The following LAMB4 variants were observed in gnomAD, a reference collection of about 807,000 sequenced individuals.
The protein encoded by LAMB4 is laminin subunit beta 4.
A neutral mutation model predicts 199.2 loss-of-function variants in LAMB4; 196 were observed. The ratio of observed to expected loss-of-function variants is 0.98; its 90% CI spans 0.88 to 1.11. LAMB4 has a LOEUF of 1.11. Among genes scored for constraint, LAMB4 ranks in the 50% least tolerant of loss-of-function variants. The pLI is 0.00. For missense variants in LAMB4, 2,080 were observed against 2,171.2 expected (o/e 0.96, Z 0.83); for synonymous variants, 744 against 770.6 (o/e 0.97, Z 0.57).
chr7:108,033,973 A>T (rs984829932), intron 31 of LAMB4, among the ~76,000 whole-genome samples: 3 of 152,006 alleles, frequency 2.0e-5, no homozygotes, highest in Admixed American at 2.0e-4. Context: ...CCTCATTTCC[A>T]AGCTGGTGTT....
At chr7:108,116,623 A>G (rs1584785177) in intron 2 of LAMB4, among the ~76,000 whole-genome samples, 1 of 152,196 alleles carries the variant, frequency 6.6e-6, no homozygotes, top group African/African-American at 2.4e-5. Context: ...TCCCAAATTT[A>G]TTTCACCATG....
intron 23 of LAMB4, 135 bp from the exon 24 acceptor site, chr7:108,058,063 T>C (rs1157554411): frequency 4.6e-6 from 3 of 656,428 alleles, no homozygotes; most frequent in African/African-American, 1.8e-5. Context: ...ATGATTCCCA[T>C]GTCCAGCAGC....
intron 2 of LAMB4, 48 bp downstream of exon 2, chr7:108,123,083 T>G: frequency 2.6e-6 from 4 of 1,519,054 alleles, no homozygotes; most frequent in Non-Finnish European, 3.6e-6. Flanking sequence ...CCATTAAATA[T>G]TTTAGGACAG....
chr7:108,047,814 C>G (rs2035681818), intron 28 of LAMB4, 94 bp downstream of exon 28: 6 of 969,096 alleles, frequency 6.2e-6, no homozygotes, highest in Non-Finnish European at 8.1e-6. Flanking sequence ...AATCTATCTT[C>G]TCACTTGGAA....
intron 33 of LAMB4, among the ~76,000 whole-genome samples, chr7:108,027,621 T>C (rs1325566724): frequency 6.6e-6 from 1 of 152,184 alleles, no homozygotes; most frequent in African/African-American, 2.4e-5. Context: ...AGTTTTAAAG[T>C]TTTAGAAGAT....
chr7:108,085,284 A>G (rs972033810), intron 14 of LAMB4, among the ~76,000 whole-genome samples: 5 of 152,360 alleles, frequency 3.3e-5, no homozygotes, highest in Middle Eastern at 3.4e-3. Context: ...ACATATGTAT[A>G]TATGACTACA....
At chr7:108,036,887 T>TGAAA (rs1340792222) in intron 30 of LAMB4, among the ~76,000 whole-genome samples, 11 of 148,862 alleles carry the variant, frequency 7.4e-5, no homozygotes, top group African/African-American at 2.0e-4. Flanking sequence ...TTTTTGCCAT[T>TGAAA]ATTTTCAATG....
intron 14 of LAMB4, among the ~76,000 whole-genome samples, chr7:108,082,613 C>G (rs527605759): frequency 6.6e-6 from 1 of 152,102 alleles, no homozygotes; most frequent in Non-Finnish European, 1.5e-5. Context: ...TACAGAACCA[C>G]CTATTGATAA....
intron 33 of LAMB4, among the ~76,000 whole-genome samples, chr7:108,025,838 G>A (rs920970363): frequency 6.6e-6 from 1 of 152,164 alleles, no homozygotes; most frequent in East Asian, 1.9e-4. Flanking sequence ...AAGTTAATAT[G>A]ATTGAGCTGG....
chr7:108,052,006 G>A, intron 26 of LAMB4, 91 bp downstream of exon 26: 1 of 977,920 alleles, frequency 1.0e-6, no homozygotes, highest in Admixed American at 2.4e-5. Flanking sequence ...AGGCACTATG[G>A]TGGTAAGCAG....
At chr7:108,091,518 A>G in intron 14 of LAMB4, 108 bp downstream of exon 14, 1 of 1,291,078 alleles carries the variant, frequency 7.7e-7, no homozygotes, top group Non-Finnish European at 1.1e-6. Flanking sequence ...TCTTTGGGCA[A>G]AAGCATTCTT....
Position 108,037,562 on chromosome 7 carries a change from A to G in LAMB4, c.4505T>C (p.Val1502Ala), listed in dbSNP as rs2035274327. ...ENVPPEDIEK[V>A]ANGVLDIHLP... is the part of the protein sequence containing the mutation. ...GTGAATGTCAAGCACACCATTCGCA[A>G]CCTTCTCGATGTCTTCTGGAGGCAC... The change falls in exon 30 of 34, where the codon GTT becomes GCT. Residue 1502 changes from valine to alanine, a missense_variant. Physicochemically the swap from Val to Ala is moderately conservative, Grantham distance 64. Coordinates refer to ENST00000388781, the MANE Select transcript of LAMB4 (RefSeq NM_007356.3). The G allele has an allele frequency of 6.2e-7, 1 of 1,614,032 alleles. No individual in the cohort carries two copies. The highest frequency in any genetic ancestry group is 8.5e-7 in the Non-Finnish European group (1 of 1,180,024).
At chr7:108,066,317 T>C (rs1563060971) in intron 20 of LAMB4, 52 bp downstream of exon 20, 1 of 1,327,128 alleles carries the variant, frequency 7.5e-7, no homozygotes, top group East Asian at 2.3e-5. Context: ...TATTAGGAGA[T>C]TGGAACAAAG....
chr7:108,058,770 T>A (rs1345378322), intron 23 of LAMB4, among the ~76,000 whole-genome samples: 1 of 152,112 alleles, frequency 6.6e-6, no homozygotes, highest in Non-Finnish European at 1.5e-5. Flanking sequence ...ATTACTCCCA[T>A]CTCAACCTCC....
intron 1 of LAMB4, among the ~76,000 whole-genome samples, chr7:108,123,880 T>C (rs1275789959): frequency 6.6e-6 from 1 of 152,202 alleles, no homozygotes; most frequent in Admixed American, 6.5e-5. Context: ...TTCTTCTTTG[T>C]AGATTTGGCC....
At chr7:108,085,011 T>A (rs1246910559) in intron 14 of LAMB4, among the ~76,000 whole-genome samples, 1 of 152,044 alleles carries the variant, frequency 6.6e-6, no homozygotes, top group African/African-American at 2.4e-5. Context: ...AGTGCTGGGA[T>A]CACAAGTGTG....
In LAMB4 at chr7:108,031,056, T is replaced by G. The variant is rs1476111370; in HGVS notation, c.4819-77A>C. 1.1e-5 allele frequency: 14 copies of G among 1,223,046 alleles called. No homozygotes were observed. The East Asian group carries it at 3.4e-4, about 30-fold the overall frequency. 75.8% of individuals were successfully genotyped at this position (1,223,046 alleles called of 1,614,324 possible). The stretch of plus-strand genomic sequence containing the variant: ...AGAAGATAAACGATATATTAACCCC[T>G]TGAAAAATATGCTGGGTGTAAAGGA... On this transcript the variant is annotated intron_variant, in intron 31 of 33. Coordinates refer to ENST00000388781, the MANE Select transcript of LAMB4 (RefSeq NM_007356.3).
intron 1 of LAMB4, among the ~76,000 whole-genome samples, chr7:108,128,339 G>C (rs1035631150): frequency 1.3e-5 from 2 of 152,100 alleles, no homozygotes; most frequent in African/African-American, 4.8e-5. Context: ...TAGGGTTCTG[G>C]CATGACAGAC....
intron 25 of LAMB4, among the ~76,000 whole-genome samples, chr7:108,053,855 A>G (rs757897419): frequency 3.5e-4 from 54 of 152,180 alleles, no homozygotes; most frequent in Non-Finnish European, 6.9e-4. Flanking sequence ...TCATTCTCAG[A>G]CAAGTTTTCT....
Sources: gnomAD v4.1 joint callset for allele counts (sites outside exome capture counted in the v4.1 genomes callset) on GRCh38, gnomAD v4.1.1 for gene constraint, MANE v1.5 for transcripts, NCBI Gene and HGNC (gene_info 2026-07-23, HGNC 2026-07-21) for gene names.